FCHSD2: variants seen among roughly 807,000 people sequenced by gnomAD.
FCHSD2 encodes the protein F-BAR and double SH3 domains protein 2.
A neutral mutation model predicts 108.1 loss-of-function variants in FCHSD2; 38 were observed. The ratio of observed to expected loss-of-function variants is 0.35; its 90% CI spans 0.27 to 0.46. The LOEUF (loss-of-function observed/expected upper bound fraction) is 0.46, where lower values mean the gene tolerates loss of function less well. FCHSD2 is among the 20% of genes least tolerant of loss of function. The probability of loss-of-function intolerance (pLI) is 1.00; values close to 1 mark genes in which losing one functional copy is unlikely to be tolerated. For synonymous variants in FCHSD2, 279 were observed against 314.7 expected (o/e 0.89, Z 1.20); for missense variants, 751 against 897.8 (o/e 0.84, Z 2.09).
At chr11:73,084,930 A>G (rs1221473923) in intron 2 of FCHSD2, among the ~76,000 whole-genome samples, 1 of 151,162 alleles carries the variant, frequency 6.6e-6, no homozygotes, top group Non-Finnish European at 1.5e-5. Context: ...GCACCAGTGC[A>G]AAGACCAAAG....
At chr11:73,091,389 A>T (rs1330561950) in intron 2 of FCHSD2, among the ~76,000 whole-genome samples, 1 of 151,836 alleles carries the variant, frequency 6.6e-6, no homozygotes, top group Non-Finnish European at 1.5e-5. Context: ...AAATACAAAC[A>T]ACAAAAAAAA....
At chr11:72,887,379 G>A in intron 12 of FCHSD2, 91 bp downstream of exon 12, 3 of 773,080 alleles carry the variant, frequency 3.9e-6, no homozygotes, top group South Asian at 1.6e-5. Flanking sequence ...TCATCTCAGT[G>A]TGTGTAGAAA....
chr11:72,996,202 T>A (rs1046338325), intron 5 of FCHSD2, among the ~76,000 whole-genome samples: 1 of 152,214 alleles, frequency 6.6e-6, no homozygotes, highest in African/African-American at 2.4e-5. Flanking sequence ...TAGGAAGTAG[T>A]AGTATATTCA....
In FCHSD2 at chr11:72,836,899, T is replaced by G. The variant is rs915118239; in HGVS notation, c.*1892A>C. 6.6e-6 allele frequency: 1 copy of G among 152,578 alleles called. No homozygotes were observed. The highest frequency in any genetic ancestry group is 2.4e-5 in the African/African-American group (1 of 41,422). The allele number at this position is 152,578 out of a possible 1,614,324, so 9.5% of individuals were successfully genotyped here. A position where few individuals can be genotyped will look rare whatever the true frequency, so the allele number is the denominator to read the frequency against. On this transcript the variant is annotated 3_prime_UTR_variant, in exon 20 of 20. Transcript: ENST00000409418. ...TCCATATCCTGGATGGAGGGGTTAT[T>G]TTTTAAAAAGGAGGCATGTTTTCAC...
At chr11:72,867,444 C>T (rs976854166) in intron 13 of FCHSD2, among the ~76,000 whole-genome samples, 11 of 152,154 alleles carry the variant, frequency 7.2e-5, no homozygotes, top group Non-Finnish European at 1.0e-4. Flanking sequence ...ACTAAGCCCA[C>T]GTACTAAGAA....
In FCHSD2 at chr11:72,989,116, C is replaced by T. The variant is rs753226287; in HGVS notation, c.388-19G>A. ...CCACACACTGTAAAATACAAAAGTA[C>T]AATCATTATGATTTTAGTTTTCAGG... On this transcript the variant is annotated intron_variant, in intron 5 of 19. Coordinates refer to ENST00000409418, the MANE Select transcript of FCHSD2 (RefSeq NM_014824.3). 5.0e-5 allele frequency: 80 copies of T among 1,587,636 alleles called. No individual in the cohort carries two copies. The highest frequency in any genetic ancestry group is 3.3e-4 in the Middle Eastern group (2 of 5,974).
At chr11:73,058,122 G>A (rs888483751) in intron 3 of FCHSD2, among the ~76,000 whole-genome samples, 50 of 151,940 alleles carry the variant, frequency 3.3e-4, no homozygotes, top group Non-Finnish European at 6.5e-4. Context: ...CTCGTGCTCC[G>A]CCTGCCTCAG....
At chr11:72,905,508 A>G (rs942757874) in intron 9 of FCHSD2, among the ~76,000 whole-genome samples, 1 of 152,188 alleles carries the variant, frequency 6.6e-6, no homozygotes, top group Non-Finnish European at 1.5e-5. Flanking sequence ...TTACACAGGT[A>G]TACATGTGCC....
chr11:72,866,363 G>A (rs1239556927), intron 13 of FCHSD2, among the ~76,000 whole-genome samples: 7 of 151,998 alleles, frequency 4.6e-5, no homozygotes, highest in African/African-American at 1.5e-4. Flanking sequence ...TCTGCCTCCC[G>A]GGTTCAAGCG....
At chr11:73,110,102 G>A (rs1860445726) in intron 2 of FCHSD2, among the ~76,000 whole-genome samples, 1 of 151,390 alleles carries the variant, frequency 6.6e-6, no homozygotes, top group Non-Finnish European at 1.5e-5. Flanking sequence ...ATTTTGTGGA[G>A]GATTTTTGCA....
intron 3 of FCHSD2, among the ~76,000 whole-genome samples, chr11:73,028,367 C>T (rs945447570): frequency 4.6e-5 from 7 of 152,202 alleles, no homozygotes; most frequent in Non-Finnish European, 5.9e-5. Flanking sequence ...TGCCCTGTTA[C>T]GTTTCAGACT....
intron 2 of FCHSD2, among the ~76,000 whole-genome samples, chr11:73,132,137 T>C (rs1481372291): frequency 6.6e-6 from 1 of 152,222 alleles, no homozygotes; most frequent in East Asian, 1.9e-4. Flanking sequence ...CATCACAGCC[T>C]AAAAGAGCCA....
chr11:73,124,940 A>G (rs1490050421), intron 2 of FCHSD2, among the ~76,000 whole-genome samples: 2 of 152,246 alleles, frequency 1.3e-5, no homozygotes, highest in Admixed American at 6.5e-5. Flanking sequence ...CATTCCATAG[A>G]TGTGAACAAG....
At chr11:72,964,360 G>A (rs999890117) in intron 8 of FCHSD2, among the ~76,000 whole-genome samples, 1 of 152,140 alleles carries the variant, frequency 6.6e-6, no homozygotes, top group Non-Finnish European at 1.5e-5. Flanking sequence ...CTTCTTTGAT[G>A]TCATTATACC....
At chr11:73,015,487 T>C (rs1490327976) in intron 4 of FCHSD2, among the ~76,000 whole-genome samples, 3 of 152,098 alleles carry the variant, frequency 2.0e-5, no homozygotes, top group African/African-American at 4.8e-5. Context: ...AATAATGTGT[T>C]TCATCATAGG....
At position 72,841,571 on chromosome 11, in the gene FCHSD2, G is replaced by A; in HGVS notation, c.1939C>T (p.Pro647Ser). ...WMREIQISPS[P>S]KPHASLPPLP... The stretch of plus-strand genomic sequence containing the variant: ...GGAGGCAGGGAGGCGTGTGGCTTGG[G>A]GGAAGGAGAGATCTGCAGCAAAGGG... The change falls in exon 18 of 20, where the codon CCC (proline) becomes TCC (serine). Residue 647 changes from proline to serine, a missense_variant. Coordinates refer to ENST00000409418, the MANE Select transcript of FCHSD2 (RefSeq NM_014824.3). 6.2e-7 allele frequency: 1 copy of A among 1,605,874 alleles called. No homozygotes were observed.
At chr11:72,983,725 G>T in intron 8 of FCHSD2, 1 of 384,622 alleles carries the variant, frequency 2.6e-6, no homozygotes, top group Non-Finnish European at 5.1e-6. Flanking sequence ...ATAATTTATT[G>T]AAACCATGAC....
chr11:73,093,219 G>A (rs1859997644), intron 2 of FCHSD2, among the ~76,000 whole-genome samples: 1 of 152,162 alleles, frequency 6.6e-6, no homozygotes, highest in African/African-American at 2.4e-5. Context: ...AGCTCTGACT[G>A]GAACTCTCTT....
At chr11:73,131,544 T>A (rs138425398) in intron 2 of FCHSD2, among the ~76,000 whole-genome samples, 1 of 149,652 alleles carries the variant, frequency 6.7e-6, no homozygotes, top group East Asian at 2.0e-4. Flanking sequence ...AAATAAAAAT[T>A]ACTACAAAAA....
Sources: allele counts gnomAD v4.1 joint callset (sites outside exome capture counted in the v4.1 genomes callset), GRCh38; gene constraint gnomAD v4.1.1; transcripts MANE v1.5; gene names NCBI Gene and HGNC (gene_info 2026-07-23, HGNC 2026-07-21).